Variants in CD96 observed in about 807,000 individuals in gnomAD.
CD96 encodes T-cell surface protein tactile.
A neutral mutation model predicts 71.3 loss-of-function variants in CD96; 70 were observed. The observed-to-expected ratio is 0.98, with a 90% CI of 0.81 to 1.20. CD96 has a LOEUF of 1.20. Among genes scored for constraint, CD96 ranks in the 50% most tolerant of loss-of-function variants. CD96 has a pLI of 0.00. For missense variants in CD96, 742 were observed against 677.5 expected (o/e 1.10, Z -1.06); for synonymous variants, 248 against 233.0 (o/e 1.06, Z -0.59).
At chr3:111,641,357 C>T (rs1325121441) in intron 12 of CD96, among the ~76,000 whole-genome samples, 1 of 152,196 alleles carries the variant, frequency 6.6e-6, no homozygotes, top group Admixed American at 6.5e-5. Flanking sequence ...ATTCTCATAT[C>T]AGACAAAACA....
At position 111,618,581 on chromosome 3, in the gene CD96, TC is replaced by T. The variant is rs371110353; in HGVS notation, c.1181-5172del. On this transcript the variant is annotated intron_variant, in intron 8 of 13. Transcript: ENST00000352690. ...GAAACAATGACCAAATTTATTTCTC[TC>T]TTTTTTTTTTTTTTTTTTTTGAGAC... 7.0e-3 allele frequency among the ~76,000 whole-genome samples: 991 copies of T among 141,730 alleles called. 14 individuals carry two copies. Among genetic ancestry groups the T allele is most frequent in the African/African-American group, 0.025 (942 of 37,048 alleles). The allele number at this position is 141,730 out of a possible 152,430, so 93.0% of individuals were successfully genotyped here.
intron 13 of CD96, among the ~76,000 whole-genome samples, chr3:111,648,038 G>A (rs905068977): frequency 6.6e-5 from 10 of 152,132 alleles, no homozygotes; most frequent in African/African-American, 2.4e-4. Context: ...ACTGGTCATA[G>A]ATGCTCAAGT....
At chr3:111,552,015 C>CT (rs1934733432) in intron 2 of CD96, among the ~76,000 whole-genome samples, 2 of 151,958 alleles carry the variant, frequency 1.3e-5, no homozygotes, top group Admixed American at 1.3e-4. Flanking sequence ...ATGATATCTC[C>CT]TTGTAGTTTT....
Position 111,647,581 on chromosome 3 carries a change from C to T in CD96, c.1516C>T (p.Pro506Ser), listed in dbSNP as rs770772626. The change falls in exon 13 of 14, where the codon CCA becomes TCA. Residue 506 changes from proline (P) to serine (S), a missense_variant. Pro to Ser is a moderately conservative substitution (Grantham distance 74). Coordinates refer to ENST00000352690, the MANE Select transcript of CD96 (RefSeq NM_005816.5). ...VNKPKDGMSW[P>S]VIVAALLFCC... ...TAAGCCCAAAGATGGAATGTCCTGG[C>T]CAGTGATTGTAGCAGCTTTACTCTT... The T allele has an allele frequency of 2.5e-6, 4 of 1,611,290 alleles. No individual in the cohort carries two copies. The highest frequency in any genetic ancestry group is 3.4e-6 in the Non-Finnish European group (4 of 1,177,570).
chr3:111,599,310 T>C (rs1937391843), intron 6 of CD96, among the ~76,000 whole-genome samples: 1 of 152,190 alleles, frequency 6.6e-6, no homozygotes, highest in Non-Finnish European at 1.5e-5. Flanking sequence ...AAGCTTATGT[T>C]AATGAGTGTA....
At chr3:111,653,372 A>G (rs1235247744), downstream of CD96, among the ~76,000 whole-genome samples, 1 of 152,236 alleles carries the variant, frequency 6.6e-6, no homozygotes, top group Non-Finnish European at 1.5e-5. Flanking sequence ...ACCTACACAT[A>G]TAGATCCAGA....
chr3:111,552,675 T>G (rs1934776507), intron 2 of CD96, among the ~76,000 whole-genome samples: 1 of 150,886 alleles, frequency 6.6e-6, no homozygotes, highest in Non-Finnish European at 1.5e-5. Context: ...TTTACAAAAA[T>G]AGGCAACAAG....
chr3:111,634,818 C>G (rs1270855765), intron 10 of CD96: 1 of 151,954 alleles, frequency 6.6e-6, no homozygotes, highest in African/African-American at 2.4e-5. Context: ...ATCACTTGAA[C>G]CCGGGAGGCA....
intron 14 of CD96, among the ~76,000 whole-genome samples, chr3:111,662,969 G>A (rs1940392555): frequency 6.6e-6 from 1 of 152,180 alleles, no homozygotes; most frequent in Non-Finnish European, 1.5e-5. Flanking sequence ...TTCTCACACT[G>A]CTATAGAGAC....
intron 2 of CD96, among the ~76,000 whole-genome samples, chr3:111,562,081 C>G (rs1037146354): frequency 6.6e-6 from 1 of 152,244 alleles, no homozygotes; most frequent in African/African-American, 2.4e-5. Flanking sequence ...GCACGGTGCG[C>G]GCACCCACTG....
intron 3 of CD96, among the ~76,000 whole-genome samples, chr3:111,575,215 G>T (rs1273529073): frequency 2.6e-5 from 4 of 152,172 alleles, no homozygotes; most frequent in Non-Finnish European, 5.9e-5. Flanking sequence ...TCAAGACCTG[G>T]ATCTCCACTA....
chr3:111,585,468 C>T (rs888874711), intron 5 of CD96, 90 bp downstream of exon 5: 17 of 837,880 alleles, frequency 2.0e-5, no homozygotes, highest in Non-Finnish European at 3.3e-5. Flanking sequence ...TCTCAAAGAA[C>T]TTTACTCCTT....
At chr3:111,582,602 C>T (rs978408307) in intron 4 of CD96, among the ~76,000 whole-genome samples, 1 of 152,048 alleles carries the variant, frequency 6.6e-6, no homozygotes, top group African/African-American at 2.4e-5. Flanking sequence ...TAAAGACATA[C>T]CCAAAACTGG....
intron 8 of CD96, among the ~76,000 whole-genome samples, chr3:111,609,449 GA>G (rs370574394): frequency 1.1e-3 from 161 of 147,706 alleles, no homozygotes; most frequent in African/African-American, 3.2e-3. Context: ...GAACAAAACT[GA>G]AAAAAAAAAT....
chr3:111,577,188 T>C (rs1936256906), intron 3 of CD96, among the ~76,000 whole-genome samples: 1 of 152,236 alleles, frequency 6.6e-6, no homozygotes, highest in African/African-American at 2.4e-5. Context: ...AGCATGTAAC[T>C]GCTCTTTTTC....
chr3:111,664,420 A>G (rs1432754492), intron 14 of CD96, among the ~76,000 whole-genome samples: 2 of 152,218 alleles, frequency 1.3e-5, no homozygotes, highest in African/African-American at 4.8e-5. Context: ...GGAAAAAAAA[A>G]TACCACGTGT....
chr3:111,567,659 C>T lies in CD96; in HGVS notation c.543+12C>T. On this transcript the variant is annotated intron_variant, in intron 3 of 13. Coordinates refer to ENST00000352690, the MANE Select transcript of CD96 (RefSeq NM_005816.5). ...ATGCATGGTCGGTGGTAAGTGTTGC[C>T]CTTTTCAGTGAATAACCTCAATGGT... 1 of 1,610,568 alleles carries T rather than the reference C, an allele frequency of 6.2e-7. No homozygotes were observed. Among genetic ancestry groups the T allele is most frequent in the Non-Finnish European group, 8.5e-7 (1 of 1,177,024 alleles).
chr3:111,629,382 T>A (rs1938944544), intron 10 of CD96, among the ~76,000 whole-genome samples: 1 of 151,920 alleles, frequency 6.6e-6, no homozygotes, highest in South Asian at 2.1e-4. Context: ...TGACAAAGCA[T>A]ACTTTAAACC....
chr3:111,561,483 G>C (rs1278943520), intron 2 of CD96, among the ~76,000 whole-genome samples: 250 of 142,764 alleles, frequency 1.8e-3, no homozygotes, highest in East Asian at 5.1e-3. Context: ...AGGTGTCAGT[G>C]TGCCCCTGCT....
Sources: allele counts gnomAD v4.1 joint callset (sites outside exome capture counted in the v4.1 genomes callset), GRCh38; gene constraint gnomAD v4.1.1; transcripts MANE v1.5; gene names NCBI Gene and HGNC (gene_info 2026-07-23, HGNC 2026-07-21).